PEG3: variants seen among roughly 807,000 people sequenced by gnomAD.
PEG3 encodes the protein paternally expressed 3.
PEG3 carries 23 observed loss-of-function variants against 35.5 expected under a neutral mutation model. That is an observed-to-expected ratio of 0.65 (90% CI 0.47 to 0.92). The LOEUF (loss-of-function observed/expected upper bound fraction) is 0.92, where lower values mean the gene tolerates loss of function less well. Among genes scored for constraint, PEG3 ranks in the 40% least tolerant of loss-of-function variants. The pLI is 0.00. For synonymous variants in PEG3, 707 were observed against 697.0 expected (o/e 1.01, Z -0.23); for missense variants, 1,960 against 1,985.3 (o/e 0.99, Z 0.24).
chr19:56,834,498 T>C (rs1440198451), intron 2 of PEG3, among the ~76,000 whole-genome samples: 1 of 152,232 alleles, frequency 6.6e-6, no homozygotes, highest in African/African-American at 2.4e-5. Flanking sequence ...TACACACTGC[T>C]GAGTACTTGG....
At chr19:56,833,144 G>C (rs770688983) in intron 2 of PEG3, 2 of 517,174 alleles carry the variant, frequency 3.9e-6, no homozygotes, top group Non-Finnish European at 7.7e-6. Flanking sequence ...AAGAAATCCT[G>C]TGACTCCGGT....
At position 56,822,820 on chromosome 19, in the gene PEG3, G is replaced by T. The variant is rs757890759; in HGVS notation, c.498C>A (p.Asp166Glu). Reference sequence around the variant, plus strand: ...CCATGTCTCTGCTTCTGCCCCTCCGGTCCCAGTCCCGGTCACCTAAGCAGG... The same window carrying T: ...CCATGTCTCTGCTTCTGCCCCTCCGTTCCCAGTCCCGGTCACCTAAGCAGG... ...SVHSFSDRDW[D>E]RRGRSRDMEP... is the part of the protein sequence containing the mutation. The change falls in exon 6 of 10, where the codon GAC becomes GAA. Residue 166 changes from aspartate (D) to glutamate (E), a missense_variant. This residue lies in a region of PEG3 where 613 missense variants were observed against 577.1 expected (regional missense o/e 1.06). Coordinates refer to ENST00000326441, the MANE Select transcript of PEG3 (RefSeq NM_006210.3). 1.9e-6 allele frequency: 3 copies of T among 1,613,832 alleles called. No individual in the cohort carries two copies. The highest frequency in any genetic ancestry group is 2.2e-5 in the South Asian group (2 of 90,984).
Position 56,836,034 on chromosome 19 carries a change from A to G in PEG3, c.-179T>C, listed in dbSNP as rs2062067911. The G allele has an allele frequency of 2.0e-6, 1 of 511,928 alleles. No homozygotes were observed. Among genetic ancestry groups the G allele is most frequent in the Admixed American group, 2.0e-5 (1 of 50,800 alleles). 31.7% of individuals were successfully genotyped at this position (511,928 alleles called of 1,614,324 possible). The stretch of plus-strand genomic sequence containing the variant: ...TCAACTCACCTGGACCCAGCCACCT[A>G]GCGTTTGGACCTAGTCCCTCTTCCT... On this transcript the variant is annotated 5_prime_UTR_variant, in exon 2 of 10. Coordinates refer to ENST00000326441, the MANE Select transcript of PEG3 (RefSeq NM_006210.3).
Position 56,816,743 on chromosome 19 carries a change from C to T in PEG3, c.1699G>A (p.Val567Met). The change falls in exon 10 of 10, where the codon GTG becomes ATG. Residue 567 changes from valine to methionine, a missense_variant. This residue lies in a region of PEG3 where 798 missense variants were observed against 782.4 expected (regional missense o/e 1.02). Transcript: ENST00000326441. The part of the protein sequence containing the change: ...YGKDKFYECR[V>M]CKETFLHSSA... ...CTATGAAGGAAGGTTTCCTTACACA[C>T]CCTGCACTCGTAGAATTTGTCTTTG... 1 of 1,614,118 alleles carries T rather than the reference C, an allele frequency of 6.2e-7. No individual in the cohort carries two copies. The highest frequency in any genetic ancestry group is 8.5e-7 in the Non-Finnish European group (1 of 1,180,004).
rs2059960970 is a variant in PEG3, at chr19:56,816,180, A to G, written c.2262T>C (p.Ser754=). 6.2e-7 allele frequency: 1 copy of G among 1,613,480 alleles called. No individual in the cohort carries two copies. The highest frequency in any genetic ancestry group is 2.2e-5 in the East Asian group (1 of 44,896). The change falls in exon 10 of 10, where the codon TCT becomes TCC. Residue 754 remains serine (S), a synonymous_variant. Coordinates refer to ENST00000326441, the MANE Select transcript of PEG3 (RefSeq NM_006210.3). The part of the protein sequence containing the change: ...DEDEKAFTIS[S]NPYENQKIPT... ...GAATCTTCTGGTTTTCATAGGGGTT[A>G]GAGCTAATGGTGAACGCCTTTTCGT...
intron 2 of PEG3, among the ~76,000 whole-genome samples, chr19:56,828,175 G>A (rs547338418): frequency 1.3e-5 from 2 of 152,198 alleles, no homozygotes; most frequent in South Asian, 2.1e-4. Flanking sequence ...GGCTCTCCCC[G>A]CATCGCCTCC....
intron 7 of PEG3, among the ~76,000 whole-genome samples, chr19:56,820,330 T>C (rs10418131): frequency 0.062 from 9,459 of 152,312 alleles, 962 homozygotes; most frequent in African/African-American, 0.22. Flanking sequence ...CTGCTGGTGT[T>C]ACCACCATAC....
rs1568614558 is a variant in PEG3, at chr19:56,814,113, G to T, written c.4329C>A (p.Ala1443=). 4.3e-6 allele frequency: 7 copies of T among 1,613,682 alleles called. No individual in the cohort carries two copies. The South Asian group carries it at 6.6e-5, about 15-fold the overall frequency. The change falls in exon 10 of 10, where the codon GCC becomes GCA. Residue 1443 remains alanine (A), a synonymous_variant. Transcript: ENST00000326441. This position sits in a 1 kb window ranked among gnomAD's most constrained non-coding sequence, Gnocchi z 5.8. ...IGEAGQPNGE[A]EQPNGDADEP... is the part of the protein sequence containing the mutation. ...CATCAGCATCCCCATTTGGCTGCTC[G>T]GCCTCTCCATTTGGCTGTCCAGCCT...
rs561849934 is a variant in PEG3 at position 56,836,092 on chromosome 19, C to T, written c.-237G>A. The stretch of plus-strand genomic sequence containing the variant: ...GTCGTCTCCAAGAAGGACGGAAGAT[C>T]AAGAAGGCAAAGCTGTAGAGGAAAA... On this transcript the variant is annotated 5_prime_UTR_variant, in exon 2 of 10. Coordinates refer to ENST00000326441, the MANE Select transcript of PEG3 (RefSeq NM_006210.3). 2 of 490,096 alleles carry T rather than the reference C, an allele frequency of 4.1e-6. No individual in the cohort carries two copies. The highest frequency in any genetic ancestry group is 1.9e-5 in the African/African-American group (1 of 51,440). The allele number at this position is 490,096 out of a possible 1,614,324, so 30.4% of individuals were successfully genotyped here.
chr19:56,838,509 C>A (rs1304897077), intron 1 of PEG3, among the ~76,000 whole-genome samples: 3 of 152,128 alleles, frequency 2.0e-5, no homozygotes, highest in Non-Finnish European at 4.4e-5. Context: ...CCTCGCAGCT[C>A]CCCCACTAAG....
At chr19:56,830,029 T>C (rs2061430230) in intron 2 of PEG3, among the ~76,000 whole-genome samples, 1 of 152,222 alleles carries the variant, frequency 6.6e-6, no homozygotes, top group Non-Finnish European at 1.5e-5. Context: ...TTAATCTGCC[T>C]GAGGATGGCC....
Position 56,816,577 on chromosome 19 carries a change from C to T in PEG3, c.1865G>A (p.Gly622Asp). 6.2e-7 allele frequency: 1 copy of T among 1,614,002 alleles called. No homozygotes were observed. The highest frequency in any genetic ancestry group is 1.1e-5 in the South Asian group (1 of 91,052). The part of the protein sequence containing the change: ...PALNEFQKMY[G>D]KEKMYECKVC... ...CTTACATTCGTACATTTTCTCTTTA[C>T]CATACATTTTCTGAAACTCATTAAG... Residue 622 changes from glycine (G) to aspartate (D), a missense_variant, in exon 10 of 10, where the codon GGT becomes GAT. Physicochemically the swap from Gly to Asp is moderately conservative, Grantham distance 94. Around this residue, in one of 5 missense-constraint regions of PEG3, gnomAD observed 798 missense variants for 782.4 expected, o/e 1.02. Coordinates refer to ENST00000326441, the MANE Select transcript of PEG3 (RefSeq NM_006210.3).
In PEG3 at chr19:56,823,699, C is replaced by T. The variant is rs759260095; in HGVS notation, c.395-20G>A. On this transcript the variant is annotated intron_variant, in intron 4 of 9. Coordinates refer to ENST00000326441, the MANE Select transcript of PEG3 (RefSeq NM_006210.3). ...TGTCGTCTAAGAGGACACCGGTCGC[C>T]AAGTTACTATCTCTGGCCCACATTC... is the stretch of plus-strand genomic sequence containing the variant. 41 of 1,613,866 alleles carry T rather than the reference C, an allele frequency of 2.5e-5. No individual in the cohort carries two copies. Among genetic ancestry groups the T allele is most frequent in the Non-Finnish European group, 3.5e-5 (41 of 1,179,868 alleles).
chr19:56,825,186 AG>A (rs2060900724), intron 3 of PEG3, among the ~76,000 whole-genome samples: 1 of 152,262 alleles, frequency 6.6e-6, no homozygotes, highest in African/African-American at 2.4e-5. Context: ...AAAAATGAAA[AG>A]GGGAAGTAGG....
chr19:56,825,978 C>T lies in PEG3; in HGVS notation c.-87+410G>A, dbSNP rs115985206. On this transcript the variant is annotated intron_variant, in intron 3 of 9. Coordinates refer to ENST00000326441, the MANE Select transcript of PEG3 (RefSeq NM_006210.3). ...TCCCTATGCAAACTGCCCTCCCACGCTCTCTCCTGCATATTATCATCCCAT... is the reference window on the plus strand; with the variant it reads ...TCCCTATGCAAACTGCCCTCCCACGTTCTCTCCTGCATATTATCATCCCAT... 4.5e-3 allele frequency among the ~76,000 whole-genome samples: 692 copies of T among 152,318 alleles called. 9 individuals carry two copies. Among genetic ancestry groups the T allele is most frequent in the African/African-American group, 0.016 (664 of 41,574 alleles).
rs150420781 is a variant in PEG3, at chr19:56,816,582, C to A, written c.1860G>T (p.Met620Ile). 2.4e-5 allele frequency: 38 copies of A among 1,613,878 alleles called. No individual in the cohort carries two copies. The highest frequency in any genetic ancestry group is 3.2e-5 in the Non-Finnish European group (38 of 1,179,950). The part of the protein sequence containing the change: ...PSPALNEFQK[M>I]YGKEKMYECK... ...ATTCGTACATTTTCTCTTTACCATA[C>A]ATTTTCTGAAACTCATTAAGGGCTG... Residue 620 changes from methionine to isoleucine, a missense_variant, in exon 10 of 10, where the codon ATG (methionine) becomes ATT (isoleucine). This residue lies in a region of PEG3 where 798 missense variants were observed against 782.4 expected (regional missense o/e 1.02). Coordinates refer to ENST00000326441, the MANE Select transcript of PEG3 (RefSeq NM_006210.3).
In PEG3 at chr19:56,814,773, C is replaced by T. The variant is rs559202627; in HGVS notation, c.3669G>A (p.Ser1223=). 30 of 1,614,108 alleles carry T rather than the reference C, an allele frequency of 1.9e-5. No individual in the cohort carries two copies. The highest frequency in any genetic ancestry group is 8.0e-5 in the African/African-American group (6 of 75,034). The change falls in exon 10 of 10, where the codon TCG becomes TCA. Residue 1223 remains serine (S), a synonymous_variant. Coordinates refer to ENST00000326441, the MANE Select transcript of PEG3 (RefSeq NM_006210.3). This position sits in a 1 kb window ranked among gnomAD's most constrained non-coding sequence, Gnocchi z 5.8. ...GTCCACACAAAAGGCATCGAATGGC[C>T]GACCCAGCAAGAGCAGGATTCCTCT... ...AAERNPALAG[S]AIRCLLCGQG...
chr19:56,824,179 C>G (rs1436828168), intron 4 of PEG3, 83 bp downstream of exon 4: 4 of 1,552,460 alleles, frequency 2.6e-6, no homozygotes, highest in Non-Finnish European at 3.5e-6. Context: ...CCAGTCCAGA[C>G]CATGTCAGAA....
intron 6 of PEG3, 142 bp from the exon 7 acceptor site, chr19:56,821,896 C>T: frequency 2.3e-6 from 2 of 867,914 alleles, no homozygotes; most frequent in Non-Finnish European, 3.6e-6. Flanking sequence ...TCTGTGGCAG[C>T]CTCTGAGGAG....
Sources: gnomAD v4.1 joint callset for allele counts (sites outside exome capture counted in the v4.1 genomes callset) on GRCh38, gnomAD v4.1.1 for gene constraint, gnomAD v4.1.1 regional missense constraint, Gnocchi (gnomAD v3.1) non-coding constraint, MANE v1.5 for transcripts, NCBI Gene and HGNC (gene_info 2026-07-23, HGNC 2026-07-21) for gene names.